NR3C2: variants seen among roughly 807,000 people sequenced by gnomAD.
The protein encoded by NR3C2 is mineralocorticoid receptor.
In NR3C2, 15 loss-of-function variants were observed where a neutral mutation model predicts 86.4. The ratio of observed to expected loss-of-function variants is 0.17; its 90% CI spans 0.12 to 0.27. The LOEUF is 0.27. Ranked by LOEUF, NR3C2 falls within the 10% of genes least tolerant of loss-of-function variation. The pLI is 1.00. For synonymous variants in NR3C2, 458 were observed against 450.5 expected, an observed-to-expected ratio of 1.02 and a Z score of -0.21; for missense variants, 960 against 1,195.6, an observed-to-expected ratio of 0.80 and a Z score of 2.91.
intron 1 of NR3C2, among the ~76,000 whole-genome samples, chr4:148,437,473 T>G (rs1750135633): frequency 6.6e-6 from 1 of 152,202 alleles, no homozygotes; most frequent in African/African-American, 2.4e-5. Context: ...AAGACTCTCT[T>G]TAGATTAGTG....
chr4:148,373,786 A>T (rs1361402765), intron 2 of NR3C2, among the ~76,000 whole-genome samples: 1 of 152,096 alleles, frequency 6.6e-6, no homozygotes, highest in African/African-American at 2.4e-5. Context: ...CCAGGATGAC[A>T]TTTTTAATGT....
intron 3 of NR3C2, among the ~76,000 whole-genome samples, chr4:148,215,094 T>C (rs967175087): frequency 1.3e-5 from 2 of 152,160 alleles, no homozygotes; most frequent in African/African-American, 4.8e-5. Flanking sequence ...CTTATCTTTA[T>C]GCCTAAGCAT....
chr4:148,209,999 G>C (rs1463637992), intron 3 of NR3C2, among the ~76,000 whole-genome samples: 1 of 152,084 alleles, frequency 6.6e-6, no homozygotes. Flanking sequence ...GGTTTCTCAG[G>C]TGCAACTTTC....
chr4:148,362,980 G>A (rs992634944), intron 2 of NR3C2, among the ~76,000 whole-genome samples: 2 of 152,086 alleles, frequency 1.3e-5, no homozygotes, highest in Admixed American at 6.5e-5. Context: ...AACTACAACG[G>A]GATGCGGTTG....
chr4:148,237,098 A>G (rs1560993752), intron 3 of NR3C2, among the ~76,000 whole-genome samples: 2 of 152,228 alleles, frequency 1.3e-5, no homozygotes, highest in Non-Finnish European at 2.9e-5. Flanking sequence ...TATGAACTTT[A>G]ATGAATACTG....
At chr4:148,342,734 GA>G (rs1333753306) in intron 2 of NR3C2, among the ~76,000 whole-genome samples, 2 of 152,216 alleles carry the variant, frequency 1.3e-5, no homozygotes, top group East Asian at 3.9e-4. Flanking sequence ...TAGCATTAAA[GA>G]ACTGTGAAAA....
intron 2 of NR3C2, among the ~76,000 whole-genome samples, chr4:148,345,288 G>A (rs1017162385): frequency 3.3e-5 from 5 of 151,580 alleles, no homozygotes; most frequent in East Asian, 3.9e-4. Context: ...ATATACACAC[G>A]TGCACATGAA....
At chr4:148,370,373 T>TAA (rs200829719) in intron 2 of NR3C2, among the ~76,000 whole-genome samples, 1 of 151,012 alleles carries the variant, frequency 6.6e-6, no homozygotes, top group African/African-American at 2.4e-5. Flanking sequence ...AATTCAACAG[T>TAA]AAAAAAAAAA....
chr4:148,439,767 G>T (rs964498483), intron 1 of NR3C2, among the ~76,000 whole-genome samples: 1 of 152,184 alleles, frequency 6.6e-6, no homozygotes, highest in Admixed American at 6.5e-5. Context: ...CATCTACTAA[G>T]ATTCTGCACT....
At chr4:148,323,400 G>C (rs1424100342) in intron 2 of NR3C2, among the ~76,000 whole-genome samples, 4 of 147,420 alleles carry the variant, frequency 2.7e-5, no homozygotes, top group African/African-American at 1.0e-4. Flanking sequence ...GCTGTGGTGG[G>C]CTCCACCCAG....
At chr4:148,335,314 T>A (rs1744425188) in intron 2 of NR3C2, among the ~76,000 whole-genome samples, 3 of 152,210 alleles carry the variant, frequency 2.0e-5, no homozygotes, top group Admixed American at 2.0e-4. Context: ...TATCAACATC[T>A]ATGAGACATG....
intron 6 of NR3C2, among the ~76,000 whole-genome samples, chr4:148,142,966 A>G (rs1394320770): frequency 6.6e-6 from 1 of 152,174 alleles, no homozygotes; most frequent in Non-Finnish European, 1.5e-5. Context: ...AGCTTCTGCC[A>G]TGATGGGAAG....
chr4:148,139,467 T>C (rs145373522), intron 6 of NR3C2, among the ~76,000 whole-genome samples: 2 of 152,342 alleles, frequency 1.3e-5, no homozygotes, highest in East Asian at 3.9e-4. Context: ...TATCAGTTAC[T>C]TTTCCACTAT....
At chr4:148,317,278 C>T (rs1743238992) in intron 2 of NR3C2, among the ~76,000 whole-genome samples, 1 of 151,300 alleles carries the variant, frequency 6.6e-6, no homozygotes, top group Admixed American at 6.6e-5. Flanking sequence ...TCACTTTAAC[C>T]CGGGAGGTGG....
chr4:148,309,058 G>C (rs1485593511), intron 2 of NR3C2, among the ~76,000 whole-genome samples: 1 of 152,006 alleles, frequency 6.6e-6, no homozygotes, highest in South Asian at 2.1e-4. Context: ...AAAAAAAAAA[G>C]TTTGAGATGA....
intron 3 of NR3C2, among the ~76,000 whole-genome samples, chr4:148,247,293 A>C (rs1162024714): frequency 6.6e-6 from 1 of 152,154 alleles, no homozygotes; most frequent in Non-Finnish European, 1.5e-5. Context: ...TTCCTACTAA[A>C]ATCATTTCTT....
chr4:148,134,871 G>T (rs1328730449), intron 6 of NR3C2, among the ~76,000 whole-genome samples: 13 of 151,170 alleles, frequency 8.6e-5, no homozygotes, highest in African/African-American at 2.9e-4. Flanking sequence ...TGGCCAGGCT[G>T]GTCTCGAACT....
upstream of NR3C2, among the ~76,000 whole-genome samples, chr4:148,443,222 C>CAAAAAAAAAAAAAAAAAAAAAAA (rs59506438): frequency 2.4e-5 from 1 of 40,976 alleles, no homozygotes; most frequent in Non-Finnish European, 3.9e-5. Flanking sequence ...CCCCTAACAC[C>CAAAAAAAAAAAAAAAAAAAAAAA]AAAAAAAAAA....
At chr4:148,179,205 GGTCCTGGCCCAAAGAGAACTGTGTA>G (rs1735534683) in intron 4 of NR3C2, among the ~76,000 whole-genome samples, 1 of 151,446 alleles carries the variant, frequency 6.6e-6, no homozygotes, top group Admixed American at 6.6e-5. Context: ...GGTTGCTGGG[GGTCCTGGCCCAAAGAGAACTGTGTA>G]TTGAGGATGC....
Sources: allele counts gnomAD v4.1 joint callset (sites outside exome capture counted in the v4.1 genomes callset), GRCh38; gene constraint gnomAD v4.1.1; transcripts MANE v1.5; gene names NCBI Gene and HGNC (gene_info 2026-07-23, HGNC 2026-07-21).